Variants in VWA3B observed in about 807,000 individuals in gnomAD.
VWA3B encodes von Willebrand factor A domain containing 3B, also known as von Willebrand factor A domain-containing protein 3B.
VWA3B carries 138 observed loss-of-function variants against 158.3 expected under a neutral mutation model. The ratio of observed to expected loss-of-function variants is 0.87; its 90% CI spans 0.76 to 1.00. The LOEUF is 1.00. Among genes scored for constraint, VWA3B ranks in the 50% least tolerant of loss-of-function variants. The pLI, the probability that VWA3B is intolerant of heterozygous loss-of-function variation, is 0.00. For missense variants in VWA3B, 1,555 were observed against 1,565.1 expected, an observed-to-expected ratio of 0.99 and a Z score of 0.11; for synonymous variants, 596 against 587.3, an observed-to-expected ratio of 1.01 and a Z score of -0.21.
chr2:98,246,695 C>G (rs1434887702), intron 19 of VWA3B, among the ~76,000 whole-genome samples: 1 of 151,974 alleles, frequency 6.6e-6, no homozygotes, highest in Non-Finnish European at 1.5e-5. Context: ...TTTAATATTC[C>G]TAATACAAAA....
intron 14 of VWA3B, among the ~76,000 whole-genome samples, chr2:98,219,571 C>T (rs1196085971): frequency 6.6e-6 from 1 of 152,132 alleles, no homozygotes; most frequent in Non-Finnish European, 1.5e-5. Context: ...TGGCTATAAA[C>T]ACACAGATCC....
intron 12 of VWA3B, among the ~76,000 whole-genome samples, chr2:98,198,838 G>T (rs1682280050): frequency 6.6e-6 from 1 of 152,114 alleles, no homozygotes; most frequent in African/African-American, 2.4e-5. Context: ...TGTAATCCCA[G>T]CACTTTGGGA....
intron 3 of VWA3B, among the ~76,000 whole-genome samples, chr2:98,118,125 C>T (rs964157330): frequency 6.6e-6 from 1 of 152,150 alleles, no homozygotes; most frequent in Non-Finnish European, 1.5e-5. Context: ...TATTTTTTAT[C>T]TGAACCACAT....
At chr2:98,215,420 G>A (rs920397518) in intron 13 of VWA3B, among the ~76,000 whole-genome samples, 9 of 149,384 alleles carry the variant, frequency 6.0e-5, no homozygotes, top group South Asian at 4.2e-4. Context: ...TAGCCCGGGC[G>A]ACAGAGCGAG....
At chr2:98,256,059 G>A (rs1283349548) in intron 20 of VWA3B, 65 bp from the exon 21 acceptor site, 1 of 1,592,590 alleles carries the variant, frequency 6.3e-7, no homozygotes, top group Non-Finnish European at 8.6e-7. Flanking sequence ...GGTGCCTGGG[G>A]TTAACCTTTT....
At chr2:98,151,959 G>C (rs985708674) in intron 7 of VWA3B, among the ~76,000 whole-genome samples, 1 of 152,248 alleles carries the variant, frequency 6.6e-6, no homozygotes, top group South Asian at 2.1e-4. Context: ...GTCACAAAGA[G>C]CATTTTTCTA....
intron 26 of VWA3B, among the ~76,000 whole-genome samples, chr2:98,308,015 G>A (rs1234286125): frequency 1.3e-5 from 2 of 152,120 alleles, no homozygotes; most frequent in African/African-American, 4.8e-5. Flanking sequence ...TTTGGAGGCT[G>A]AAGGGCTCAA....
At chr2:98,103,505 T>C (rs1176263707) in intron 2 of VWA3B, among the ~76,000 whole-genome samples, 1 of 152,178 alleles carries the variant, frequency 6.6e-6, no homozygotes, top group African/African-American at 2.4e-5. Context: ...TGCTTTAAAG[T>C]TTTTCCCTTG....
chr2:98,170,991 G>A (rs993733483), intron 8 of VWA3B, among the ~76,000 whole-genome samples: 8 of 152,180 alleles, frequency 5.3e-5, no homozygotes, highest in Non-Finnish European at 1.2e-4. Flanking sequence ...TTCCGTATTT[G>A]CAAAATGTGA....
intron 7 of VWA3B, among the ~76,000 whole-genome samples, chr2:98,159,653 C>A (rs1343267646): frequency 2.4e-4 from 37 of 152,240 alleles, no homozygotes; most frequent in African/African-American, 7.9e-4. Context: ...CTGAATGACT[C>A]CATTAGGAAC....
chr2:98,122,274 GT>G (rs966364045), intron 5 of VWA3B, among the ~76,000 whole-genome samples: 3 of 152,162 alleles, frequency 2.0e-5, no homozygotes, highest in African/African-American at 7.2e-5. Context: ...TTTGGATACA[GT>G]TACTTAACAA....
chr2:98,102,677 G>T (rs76101908), intron 2 of VWA3B, among the ~76,000 whole-genome samples: 1 of 152,160 alleles, frequency 6.6e-6, no homozygotes, highest in East Asian at 1.9e-4. Flanking sequence ...ATATTGCTCC[G>T]TAACTTTCTT....
chr2:98,088,157 T>C (rs564190245), intron 1 of VWA3B, among the ~76,000 whole-genome samples: 1 of 152,340 alleles, frequency 6.6e-6, no homozygotes, highest in African/African-American at 2.4e-5. Flanking sequence ...TTTCCTTTCT[T>C]CCTGGAAAAA....
chr2:98,303,421 G>GGTGTGTGTGTGTGTGTGTGT (rs58157632), intron 25 of VWA3B, among the ~76,000 whole-genome samples: 9 of 146,650 alleles, frequency 6.1e-5, no homozygotes, highest in African/African-American at 2.3e-4. Context: ...GTTATGTGAA[G>GGTGTGTGTGTGTGTGTGTGT]GTGTGTGTGT....
chr2:98,216,261 A>G (rs1431872057), intron 13 of VWA3B, among the ~76,000 whole-genome samples: 1 of 152,246 alleles, frequency 6.6e-6, no homozygotes, highest in East Asian at 1.9e-4. Context: ...CACATTGGAT[A>G]AGTGTCCTTT....
chr2:98,095,671 G>C (rs1391987599), intron 2 of VWA3B, among the ~76,000 whole-genome samples: 1 of 152,134 alleles, frequency 6.6e-6, no homozygotes, highest in Non-Finnish European at 1.5e-5. Flanking sequence ...AATAAAAGTG[G>C]TGAAAGTGGG....
chr2:98,307,190 T>C (rs934227364), intron 26 of VWA3B, among the ~76,000 whole-genome samples: 7 of 152,220 alleles, frequency 4.6e-5, no homozygotes, highest in African/African-American at 1.7e-4. Context: ...TTTAATTTCT[T>C]CCGCAAGGCC....
chr2:98,125,271 GA>G lies in VWA3B; in HGVS notation c.703-2962del, dbSNP rs981110386. Among the ~76,000 whole-genome samples, 1 of 152,194 alleles carries G rather than the reference GA, an allele frequency of 6.6e-6. No individual in the cohort carries two copies. Among genetic ancestry groups the G allele is most frequent in the African/African-American group, 2.4e-5 (1 of 41,454 alleles). The stretch of plus-strand genomic sequence containing the variant: ...TGGATGGTGGGGTAACCACAGAAGT[GA>G]AAAAAGTGACTGTCTGGGGCCACCT... On this transcript the variant is annotated intron_variant, in intron 5 of 27. Coordinates refer to ENST00000477737, the MANE Select transcript of VWA3B (RefSeq NM_144992.5). The surrounding 1 kb of genome is among the most constrained non-coding windows in gnomAD (Gnocchi z 4.1).
intron 12 of VWA3B, among the ~76,000 whole-genome samples, chr2:98,202,358 A>T: frequency 6.6e-6 from 1 of 152,026 alleles, no homozygotes; most frequent in East Asian, 1.9e-4. Context: ...GTGATGTTTG[A>T]TATTGGTAAT....
Sources: gnomAD v4.1 joint callset for allele counts (sites outside exome capture counted in the v4.1 genomes callset) on GRCh38, gnomAD v4.1.1 for gene constraint, Gnocchi (gnomAD v3.1) non-coding constraint, MANE v1.5 for transcripts, NCBI Gene and HGNC (gene_info 2026-07-23, HGNC 2026-07-21) for gene names.